Variants in DCDC1 observed in about 807,000 individuals in gnomAD.
DCDC1 encodes doublecortin domain-containing protein 1.
Under a neutral mutation model 178.3 loss-of-function variants are expected in DCDC1, and 200 were observed. The observed-to-expected ratio is 1.12, with a 90% CI of 1.00 to 1.26. The LOEUF is 1.26. Among genes scored for constraint, DCDC1 ranks in the 50% most tolerant of loss-of-function variants. The pLI, the probability that DCDC1 is intolerant of heterozygous loss-of-function variation, is 0.00. For synonymous variants in DCDC1, 690 were observed against 604.8 expected, an observed-to-expected ratio of 1.14 and a Z score of -2.07; for missense variants, 1,983 against 1,749.2, an observed-to-expected ratio of 1.13 and a Z score of -2.38.
intron 10 of DCDC1, among the ~76,000 whole-genome samples, chr11:31,130,545 T>C (rs948014563): frequency 3.3e-5 from 5 of 152,132 alleles, no homozygotes; most frequent in Non-Finnish European, 5.9e-5. Flanking sequence ...AAACAACCAG[T>C]AGCCAACATG....
intron 20 of DCDC1, among the ~76,000 whole-genome samples, chr11:30,995,692 G>A (rs183692671): frequency 6.6e-6 from 1 of 152,162 alleles, no homozygotes; most frequent in African/African-American, 2.4e-5. Flanking sequence ...TGAACCAAGT[G>A]GATGTCTCTA....
At chr11:30,994,776 TTTA>T (rs1360198413) in intron 20 of DCDC1, among the ~76,000 whole-genome samples, 1 of 145,584 alleles carries the variant, frequency 6.9e-6, no homozygotes, top group Non-Finnish European at 1.5e-5. Flanking sequence ...TATTATAATA[TTTA>T]TTATAATAAA....
chr11:31,181,685 G>A (rs536754909), intron 9 of DCDC1, among the ~76,000 whole-genome samples: 1 of 152,134 alleles, frequency 6.6e-6, no homozygotes, highest in African/African-American at 2.4e-5. Flanking sequence ...CAACAAAAAG[G>A]ATGTCCACAC....
intron 20 of DCDC1, among the ~76,000 whole-genome samples, chr11:31,022,514 C>T (rs765210210): frequency 2.6e-5 from 4 of 152,014 alleles, no homozygotes; most frequent in Non-Finnish European, 1.5e-5. Context: ...TTTGGGGATA[C>T]AATTCAACCC....
At chr11:31,153,576 AG>A (rs1218013525) in intron 9 of DCDC1, among the ~76,000 whole-genome samples, 3 of 152,148 alleles carry the variant, frequency 2.0e-5, no homozygotes, top group African/African-American at 7.2e-5. Context: ...TGAGGTCAGG[AG>A]TTCCAGACCA....
chr11:31,364,111 G>T (rs1284572008), intron 1 of DCDC1, among the ~76,000 whole-genome samples: 2 of 152,166 alleles, frequency 1.3e-5, no homozygotes, highest in Non-Finnish European at 2.9e-5. Flanking sequence ...CCAACTGTAG[G>T]CTAAAGAAAG....
chr11:31,035,842 C>A (rs1259841225), intron 20 of DCDC1, among the ~76,000 whole-genome samples: 1 of 152,224 alleles, frequency 6.6e-6, no homozygotes. Context: ...ACATTTATAA[C>A]TGGAATTCTC....
chr11:30,946,977 T>C (rs1948092257), intron 21 of DCDC1, among the ~76,000 whole-genome samples: 1 of 152,148 alleles, frequency 6.6e-6, no homozygotes, highest in South Asian at 2.1e-4. Flanking sequence ...AGGCTAAATT[T>C]CACTGAAAAC....
At chr11:31,129,507 AGACACAGAC>A (rs1962141341) in intron 10 of DCDC1, among the ~76,000 whole-genome samples, 1 of 152,184 alleles carries the variant, frequency 6.6e-6, no homozygotes, top group South Asian at 2.1e-4. Context: ...TTTGGAAAGC[AGACACAGAC>A]GATATGTAAA....
chr11:30,973,723 C>A (rs1413559644), intron 20 of DCDC1, among the ~76,000 whole-genome samples: 6 of 152,024 alleles, frequency 3.9e-5, no homozygotes, highest in Non-Finnish European at 8.8e-5. Context: ...TATATGCACC[C>A]AACACGGGTG....
intron 10 of DCDC1, among the ~76,000 whole-genome samples, chr11:31,131,188 C>CAAAAAAAAAAAAAAAGAAAAAAAA (rs1962386275): frequency 1.4e-4 from 3 of 21,558 alleles, no homozygotes; most frequent in Admixed American, 4.4e-4. Context: ...GACTCCGTCT[C>CAAAAAAAAAAAAAAAGAAAAAAAA]AAAAAAAAAA....
At chr11:31,336,562 T>C (rs1033651063) in intron 1 of DCDC1, among the ~76,000 whole-genome samples, 1 of 152,236 alleles carries the variant, frequency 6.6e-6, no homozygotes, top group Non-Finnish European at 1.5e-5. Context: ...TTGTTAAGAA[T>C]TCACCAAATG....
intron 3 of DCDC1, among the ~76,000 whole-genome samples, chr11:31,312,067 A>C (rs1948802441): frequency 6.6e-6 from 1 of 152,078 alleles, no homozygotes; most frequent in African/African-American, 2.4e-5. Context: ...TAAGTCACCG[A>C]AACTCTGAAG....
At chr11:31,152,349 G>A (rs989473207) in intron 9 of DCDC1, among the ~76,000 whole-genome samples, 1 of 152,120 alleles carries the variant, frequency 6.6e-6, no homozygotes, top group Non-Finnish European at 1.5e-5. Context: ...GGGAGATAGA[G>A]TATAGTTGTA....
intron 32 of DCDC1, 52 bp downstream of exon 32, chr11:30,903,430 T>C: frequency 7.0e-7 from 1 of 1,420,600 alleles, no homozygotes. Flanking sequence ...GTTTAACGTT[T>C]TCATGATCAA....
chr11:31,060,913 T>C (rs963895631), intron 20 of DCDC1, among the ~76,000 whole-genome samples: 1 of 152,116 alleles, frequency 6.6e-6, no homozygotes, highest in Non-Finnish European at 1.5e-5. Flanking sequence ...AAAAGTCAAA[T>C]GGCTTTTAAA....
At chr11:31,125,350 T>C (rs998622113) in intron 11 of DCDC1, among the ~76,000 whole-genome samples, 1 of 152,160 alleles carries the variant, frequency 6.6e-6, no homozygotes, top group Non-Finnish European at 1.5e-5. Context: ...AGTTCAACTA[T>C]TGTGGAAGAC....
At chr11:31,156,620 T>A (rs942408055) in intron 9 of DCDC1, among the ~76,000 whole-genome samples, 24 of 152,194 alleles carry the variant, frequency 1.6e-4, no homozygotes, top group African/African-American at 5.8e-4. Context: ...ACTAAATCTT[T>A]GAAGTCCAGT....
At position 31,234,679 on chromosome 11, in the gene DCDC1, C is replaced by T. The variant is rs374370342; in HGVS notation, c.1221+6771G>A. 1.3e-3 allele frequency among the ~76,000 whole-genome samples: 205 copies of T among 152,150 alleles called. 1 individual carries two copies. Among genetic ancestry groups the T allele is most frequent in the African/African-American group, 4.3e-3 (179 of 41,520 alleles). ...AAATTCATATTCTTGTCCGTTCACA[C>T]GAACCTCTCAGTGAGCATTATTGTT... On this transcript the variant is annotated intron_variant, in intron 9 of 38. Coordinates refer to ENST00000684477, the MANE Select transcript of DCDC1 (RefSeq NM_001387274.1).
Sources: gnomAD v4.1 joint callset for allele counts (sites outside exome capture counted in the v4.1 genomes callset) on GRCh38, gnomAD v4.1.1 for gene constraint, MANE v1.5 for transcripts, NCBI Gene and HGNC (gene_info 2026-07-23, HGNC 2026-07-21) for gene names.